PPP2R5C: variants seen among roughly 807,000 people sequenced by gnomAD.
PPP2R5C encodes serine/threonine-protein phosphatase 2A 56 kDa regulatory subunit gamma isoform.
In PPP2R5C, 7 loss-of-function variants were observed where a neutral mutation model predicts 68.9. That is an observed-to-expected ratio of 0.10 (90% CI 0.06 to 0.19). The LOEUF (loss-of-function observed/expected upper bound fraction) is 0.19, where lower values mean the gene tolerates loss of function less well. Among genes scored for constraint, PPP2R5C ranks in the 10% least tolerant of loss-of-function variants. PPP2R5C has a pLI of 1.00. For synonymous variants in PPP2R5C, 210 were observed against 222.2 expected (o/e 0.95, Z 0.49); for missense variants, 348 against 641.3 (o/e 0.54, Z 4.94).
intron 3 of PPP2R5C, among the ~76,000 whole-genome samples, chr14:101,799,781 A>G (rs2038779603): frequency 6.6e-6 from 1 of 152,108 alleles, no homozygotes; most frequent in African/African-American, 2.4e-5. Context: ...TCCATTTTCC[A>G]TGCCTCATTT....
rs559509845 is a variant in PPP2R5C, at chr14:101,852,469, C to CTTT, written c.95-4202_95-4200dup. On this transcript the variant is annotated intron_variant, in intron 1 of 13. Transcript: ENST00000334743. ...TTTTCTTTTTTTTCATTTTCTTTTT[C>CTTT]TTTTTTTTTTTTTTTTTGAGACAGA... is the stretch of plus-strand genomic sequence containing the variant. 2.2e-3 allele frequency among the ~76,000 whole-genome samples: 254 copies of CTTT among 115,086 alleles called. 7 individuals are homozygous for CTTT. Among genetic ancestry groups the CTTT allele is most frequent in the African/African-American group, 6.2e-3 (188 of 30,520 alleles). The allele number at this position is 115,086 out of a possible 152,430, so 75.5% of individuals were successfully genotyped here.
In PPP2R5C at chr14:101,916,305, A is replaced by T. The variant is rs182095562; in HGVS notation, c.1327-1526A>T. ...GGCCTTCAAGGAAGGAACCCAGCTG[A>T]GGGTGTGTGCCCCGTCTGTTTTTGG... On this transcript the variant is annotated intron_variant, in intron 12 of 13. Coordinates refer to ENST00000334743, the Ensembl canonical transcript of PPP2R5C. This position sits in a 1 kb window ranked among gnomAD's most constrained non-coding sequence, Gnocchi z 5.5. Among the ~76,000 whole-genome samples, 3 of 152,094 alleles carry T rather than the reference A, an allele frequency of 2.0e-5. No individual in the cohort carries two copies. In the East Asian group the frequency reaches 5.8e-4, roughly 30 times the overall value.
chr14:101,816,108 C>T (rs1014905903), intron 1 of PPP2R5C, among the ~76,000 whole-genome samples: 1 of 152,234 alleles, frequency 6.6e-6, no homozygotes, highest in Admixed American at 6.5e-5. Flanking sequence ...ATGGCTTTTG[C>T]TGCAAGGCAA....
At chr14:101,863,082 C>T (rs934499108) in intron 2 of PPP2R5C, among the ~76,000 whole-genome samples, 2 of 152,130 alleles carry the variant, frequency 1.3e-5, no homozygotes, top group Non-Finnish European at 2.9e-5. Context: ...CCAAGGCGGG[C>T]GGATCACCTG....
At position 101,884,858 on chromosome 14, in the gene PPP2R5C, C is replaced by T. The variant is rs544318687; in HGVS notation, c.629+1296C>T. Among the ~76,000 whole-genome samples, 19 of 152,382 alleles carry T rather than the reference C, an allele frequency of 1.2e-4. 1 individual carries two copies. The South Asian group carries it at 3.5e-3, about 28-fold the overall frequency. Reference sequence around the variant, plus strand: ...CCACCATGTCAGTTGATTTGTCGCACGCCCCACCCCACTGCCAGTTTCGTG... The same window carrying T: ...CCACCATGTCAGTTGATTTGTCGCATGCCCCACCCCACTGCCAGTTTCGTG... On this transcript the variant is annotated intron_variant, in intron 5 of 13. Coordinates refer to ENST00000334743, the Ensembl canonical transcript of PPP2R5C.
chr14:101,858,532 G>GAT (rs2042567033), intron 2 of PPP2R5C, among the ~76,000 whole-genome samples: 1 of 150,518 alleles, frequency 6.6e-6, no homozygotes, highest in African/African-American at 2.4e-5. Context: ...TTTATGATGT[G>GAT]GGTTAGGGAT....
chr14:101,910,965 G>C (rs1003391774), intron 11 of PPP2R5C, among the ~76,000 whole-genome samples: 1 of 152,154 alleles, frequency 6.6e-6, no homozygotes, highest in African/African-American at 2.4e-5. Flanking sequence ...TTAGCCGGGC[G>C]TGGTGGCAGG....
intron 3 of PPP2R5C, among the ~76,000 whole-genome samples, chr14:101,798,444 A>T (rs2038715794): frequency 6.6e-6 from 1 of 152,250 alleles, no homozygotes; most frequent in South Asian, 2.1e-4. Context: ...AGAATAAAAC[A>T]GTGACAGAGG....
At chr14:101,795,088 G>A (rs191570271) in intron 3 of PPP2R5C, among the ~76,000 whole-genome samples, 24 of 152,240 alleles carry the variant, frequency 1.6e-4, no homozygotes, top group African/African-American at 5.5e-4. Flanking sequence ...TTTAGCAACC[G>A]TTTATTATTT....
At chr14:101,872,430 G>T (rs1462424929) in intron 2 of PPP2R5C, among the ~76,000 whole-genome samples, 1 of 151,820 alleles carries the variant, frequency 6.6e-6, no homozygotes, top group Non-Finnish European at 1.5e-5. Context: ...TGGAGACAGG[G>T]TCTCACTAGG....
intron 1 of PPP2R5C, among the ~76,000 whole-genome samples, chr14:101,834,039 C>T (rs1224039626): frequency 6.6e-6 from 1 of 152,144 alleles, no homozygotes; most frequent in Non-Finnish European, 1.5e-5. Flanking sequence ...AAACTCCTGA[C>T]CTCAAGTGAT....
intron 1 of PPP2R5C, among the ~76,000 whole-genome samples, chr14:101,762,479 G>A (rs1472661176): frequency 6.6e-6 from 1 of 151,984 alleles, no homozygotes; most frequent in African/African-American, 2.4e-5. Context: ...GGCGGTGAGG[G>A]CTGCGAGCAA....
chr14:101,892,237 A>G (rs375358652), intron 6 of PPP2R5C, among the ~76,000 whole-genome samples: 6 of 152,084 alleles, frequency 3.9e-5, no homozygotes, highest in East Asian at 3.9e-4. Flanking sequence ...GATTACAGGT[A>G]TGAGCCACCG....
Position 101,765,116 on chromosome 14 carries a change from A to T in PPP2R5C, c.93+2146A>T, listed in dbSNP as rs1489550326. ...CCTGCGGTGTGGCCTGCAGTGCCTGAGTATGATGCCCCACTTGTCTTTTTG... is the reference window on the plus strand; with the variant it reads ...CCTGCGGTGTGGCCTGCAGTGCCTGTGTATGATGCCCCACTTGTCTTTTTG... On this transcript the variant is annotated intron_variant, in intron 2 of 14. Transcript: ENST00000328724. 5.7e-6 allele frequency: 4 copies of T among 702,264 alleles called. No individual in the cohort carries two copies. The African/African-American group carries it at 7.0e-5, about 12-fold the overall frequency. 43.5% of individuals were successfully genotyped at this position (702,264 alleles called of 1,614,324 possible).
upstream of PPP2R5C, chr14:101,761,814 G>A (rs2036554448): frequency 1.0e-6 from 1 of 971,400 alleles, no homozygotes; most frequent in African/African-American, 1.8e-5. Context: ...GCGGGGGCGC[G>A]ACGGCCGGGG....
chr14:101,834,118 T>C (rs2040935488), intron 1 of PPP2R5C, among the ~76,000 whole-genome samples: 1 of 152,218 alleles, frequency 6.6e-6, no homozygotes, highest in South Asian at 2.1e-4. Context: ...CTGAATCAGT[T>C]TTGACATTGT....
chr14:101,876,536 G>A (rs1017852878), intron 2 of PPP2R5C, among the ~76,000 whole-genome samples: 1 of 152,154 alleles, frequency 6.6e-6, no homozygotes, highest in African/African-American at 2.4e-5. Flanking sequence ...CAGAAAGGCT[G>A]CATGATATTG....
At chr14:101,898,945 A>G (rs1340511445) in intron 8 of PPP2R5C, among the ~76,000 whole-genome samples, 1 of 152,182 alleles carries the variant, frequency 6.6e-6, no homozygotes, top group Non-Finnish European at 1.5e-5. Context: ...AGCACTAAGG[A>G]CACCTGGTGT....
intron 1 of PPP2R5C, chr14:101,823,951 T>C (rs546898572): frequency 9.8e-5 from 126 of 1,287,770 alleles, no homozygotes; most frequent in Non-Finnish European, 7.0e-5. Context: ...GGTAAGGTTG[T>C]ACTTTTAGGG....
Sources: gnomAD v4.1 joint callset for allele counts (sites outside exome capture counted in the v4.1 genomes callset) on GRCh38, gnomAD v4.1.1 for gene constraint, Gnocchi (gnomAD v3.1) non-coding constraint, MANE v1.5 for transcripts, NCBI Gene and HGNC (gene_info 2026-07-23, HGNC 2026-07-21) for gene names.